Variants in PLCG2 observed in about 807,000 individuals in gnomAD.
The protein encoded by PLCG2 is phospholipase C gamma 2.
PLCG2 carries 69 observed loss-of-function variants against 175.6 expected under a neutral mutation model. The observed-to-expected ratio is 0.39, with a 90% CI of 0.32 to 0.48. The LOEUF (loss-of-function observed/expected upper bound fraction) is 0.48, where lower values mean the gene tolerates loss of function less well. PLCG2 is among the 20% of genes least tolerant of loss of function. The pLI is 0.91. For missense variants in PLCG2, 1,798 were observed against 1,650.9 expected (o/e 1.09, Z -1.54); for synonymous variants, 827 against 624.0 (o/e 1.33, Z -4.85).
intron 6 of PLCG2, among the ~76,000 whole-genome samples, chr16:81,869,770 C>G (rs760395968): frequency 7.9e-5 from 12 of 152,130 alleles, no homozygotes; most frequent in Admixed American, 3.3e-4. Flanking sequence ...TTCCATACAT[C>G]ATTAAATTTA....
chr16:81,852,427 T>C (rs1906464149), intron 2 of PLCG2, among the ~76,000 whole-genome samples: 1 of 151,980 alleles, frequency 6.6e-6, no homozygotes, highest in Admixed American at 6.6e-5. Flanking sequence ...GTGCATCCCA[T>C]GAAAAGATGA....
At chr16:81,768,485 G>A (rs1910200359) in intron 2 of PLCG2, among the ~76,000 whole-genome samples, 2 of 151,478 alleles carry the variant, frequency 1.3e-5, no homozygotes, top group Middle Eastern at 3.2e-3. Context: ...GTTTTCCAAC[G>A]AGGCTGCACT....
At chr16:81,919,774 C>T (rs925320772) in intron 20 of PLCG2, 110 bp downstream of exon 20, 2 of 823,116 alleles carry the variant, frequency 2.4e-6, no homozygotes, top group Non-Finnish European at 3.9e-6. Context: ...TCTGATACTG[C>T]TGTAGGTCCT....
At chr16:81,745,238 AT>A (rs1909681060) in intron 1 of PLCG2, among the ~76,000 whole-genome samples, 2 of 152,238 alleles carry the variant, frequency 1.3e-5, no homozygotes, top group South Asian at 4.1e-4. Flanking sequence ...CCTCCCACTG[AT>A]TGGCCGGGAA....
chr16:81,744,163 C>T (rs1415923058), intron 1 of PLCG2, among the ~76,000 whole-genome samples: 1 of 145,052 alleles, frequency 6.9e-6, no homozygotes, highest in Non-Finnish European at 1.5e-5. Flanking sequence ...CAGCCAACTT[C>T]CCTTTTTTTT....
chr16:81,918,888 A>C (rs543849538), intron 19 of PLCG2, among the ~76,000 whole-genome samples: 207 of 128,582 alleles, frequency 1.6e-3, no homozygotes, highest in African/African-American at 5.8e-3. Flanking sequence ...AAGGAATGAA[A>C]GACTTGTTTC....
intron 3 of PLCG2, among the ~76,000 whole-genome samples, chr16:81,857,397 G>A (rs997477630): frequency 6.6e-6 from 1 of 152,186 alleles, no homozygotes; most frequent in Non-Finnish European, 1.5e-5. Flanking sequence ...TTAAAATCCT[G>A]TATCTTCCAC....
intron 31 of PLCG2, among the ~76,000 whole-genome samples, chr16:81,948,886 T>C (rs4889447): frequency 0.93 from 142,017 of 152,280 alleles, 66,245 homozygotes; most frequent in East Asian, 0.96. Context: ...ACACCTGGAA[T>C]AGATGGCTGG....
Position 81,854,583 on chromosome 16 carries a change from G to T in PLCG2, c.333G>T (p.Leu111Phe). ...AGTTCGTCCTCAGCACGCTCAGCTT[G>T]GCAGGTAGGTGCATGTTTCTGTGCC... Reference protein sequence around the residue: ...GTQFVLSTLSLAADSKEDAVN... With the variant: ...GTQFVLSTLSFAADSKEDAVN... Residue 111 changes from leucine (L) to phenylalanine (F), a missense_variant, in exon 3 of 33, where the codon TTG (leucine) becomes TTT (phenylalanine). Transcript: ENST00000564138. 1 of 1,613,672 alleles carries T rather than the reference G, an allele frequency of 6.2e-7. No individual in the cohort carries two copies. Among genetic ancestry groups the T allele is most frequent in the Non-Finnish European group, 8.5e-7 (1 of 1,179,636 alleles).
intron 2 of PLCG2, among the ~76,000 whole-genome samples, chr16:81,793,807 T>C (rs1911345365): frequency 6.6e-6 from 1 of 152,228 alleles, no homozygotes. Flanking sequence ...CTATCCCTGC[T>C]TTATTCATAA....
chr16:81,946,149 G>C, intron 30 of PLCG2, 26 bp from the exon 31 acceptor site: 5 of 1,579,126 alleles, frequency 3.2e-6, no homozygotes, highest in Non-Finnish European at 4.4e-6. Context: ...ACCTGCCTTT[G>C]CATTTTCCTC....
intron 15 of PLCG2, among the ~76,000 whole-genome samples, chr16:81,906,040 T>G (rs1009005889): frequency 5.3e-5 from 8 of 151,788 alleles, no homozygotes; most frequent in Non-Finnish European, 8.8e-5. Flanking sequence ...ACAAATAGTA[T>G]GGGATATTCC....
At chr16:81,848,415 A>T (rs1009691241) in intron 2 of PLCG2, among the ~76,000 whole-genome samples, 13 of 152,128 alleles carry the variant, frequency 8.5e-5, no homozygotes, top group African/African-American at 3.1e-4. Flanking sequence ...GCGGATGTGC[A>T]GGGCTGCTTG....
At chr16:81,875,936 C>G (rs1378785580) in intron 7 of PLCG2, among the ~76,000 whole-genome samples, 1 of 150,292 alleles carries the variant, frequency 6.7e-6, no homozygotes, top group African/African-American at 2.4e-5. Flanking sequence ...GCAGTTTATT[C>G]TTATTGTCAG....
rs1397176907 is a variant in PLCG2 at position 81,809,728 on chromosome 16, C to T, written c.193+23546C>T. 2.7e-5 allele frequency among the ~76,000 whole-genome samples: 4 copies of T among 150,906 alleles called. No individual in the cohort carries two copies. In the East Asian group the frequency reaches 7.8e-4, roughly 30 times the overall value. On this transcript the variant is annotated intron_variant, in intron 2 of 32. Transcript: ENST00000564138. The stretch of plus-strand genomic sequence containing the variant: ...CTATGCATGTGTCTTTCTCCTCTTG[C>T]CCCTGATTGGCTAGCCTTGTCACTT...
intron 2 of PLCG2, among the ~76,000 whole-genome samples, chr16:81,809,986 C>G (rs1027472130): frequency 6.6e-6 from 1 of 151,724 alleles, no homozygotes; most frequent in Non-Finnish European, 1.5e-5. Flanking sequence ...CACCATGGTT[C>G]TCTCCTTTTT....
intron 26 of PLCG2, 74 bp downstream of exon 26, chr16:81,934,605 G>C: frequency 1.1e-6 from 1 of 900,330 alleles, no homozygotes; most frequent in South Asian, 1.4e-5. Flanking sequence ...GATATTTTCA[G>C]AGGGGGCAGA....
intron 2 of PLCG2, among the ~76,000 whole-genome samples, chr16:81,811,222 C>G (rs778367788): frequency 6.6e-6 from 1 of 152,196 alleles, no homozygotes; most frequent in Non-Finnish European, 1.5e-5. Flanking sequence ...GTCTCAGTGT[C>G]TGCATCTGTC....
rs139337893 is a variant in PLCG2 at position 81,799,518 on chromosome 16, G to A, written c.193+13336G>A. 9.1e-3 allele frequency among the ~76,000 whole-genome samples: 1,378 copies of A among 152,198 alleles called. 4 individuals carry two copies. The highest frequency in any genetic ancestry group is 0.015 in the Non-Finnish European group (990 of 68,012). ...TAGGTCACTGTAGCCTTGAACTCCT[G>A]GCCTCAAGAGATCCTCCCATCTTGG... On this transcript the variant is annotated intron_variant, in intron 2 of 32. Transcript: ENST00000564138.
Sources: allele counts gnomAD v4.1 joint callset (sites outside exome capture counted in the v4.1 genomes callset), GRCh38; gene constraint gnomAD v4.1.1; transcripts MANE v1.5; gene names NCBI Gene and HGNC (gene_info 2026-07-23, HGNC 2026-07-21).